Variants in NUP93 observed in about 807,000 individuals in gnomAD.
The protein encoded by NUP93 is nuclear pore complex protein Nup93.
A neutral mutation model predicts 107.8 loss-of-function variants in NUP93; 55 were observed. The ratio of observed to expected loss-of-function variants is 0.51; its 90% CI spans 0.41 to 0.64. NUP93 has a LOEUF of 0.64. Ranked by LOEUF, NUP93 falls within the 30% of genes least tolerant of loss-of-function variation. The pLI is 0.00. For synonymous variants in NUP93, 390 were observed against 397.5 expected (o/e 0.98, Z 0.22); for missense variants, 937 against 1,044.7 (o/e 0.90, Z 1.42).
intron 6 of NUP93, among the ~76,000 whole-genome samples, chr16:56,820,286 C>T (rs532860285): frequency 6.6e-6 from 1 of 152,250 alleles, no homozygotes; most frequent in Non-Finnish European, 1.5e-5. Flanking sequence ...AGTACTACGT[C>T]ATGGTTTAAA....
intron 1 of NUP93, among the ~76,000 whole-genome samples, chr16:56,741,423 T>G (rs1362824624): frequency 2.0e-5 from 3 of 152,240 alleles, no homozygotes; most frequent in Non-Finnish European, 4.4e-5. Flanking sequence ...TGGGGTTTTA[T>G]CTCAGAGGTA....
At chr16:56,781,183 G>A (rs1423530686) in intron 3 of NUP93, among the ~76,000 whole-genome samples, 1 of 152,112 alleles carries the variant, frequency 6.6e-6, no homozygotes. Context: ...AGTGACAGTT[G>A]AGCTGAGCAT....
intron 5 of NUP93, among the ~76,000 whole-genome samples, chr16:56,815,887 CTGCTGCTGCTGG>C (rs1299110006): frequency 1.7e-4 from 24 of 139,512 alleles, no homozygotes; most frequent in Non-Finnish European, 3.0e-4. Flanking sequence ...GCTGCTGCTG[CTGCTGCTGCTGG>C]TGCTGCTGCT....
intron 3 of NUP93, among the ~76,000 whole-genome samples, chr16:56,766,673 T>G (rs1962221501): frequency 6.6e-6 from 1 of 152,236 alleles, no homozygotes; most frequent in Admixed American, 6.5e-5. Flanking sequence ...CTCTTATTTC[T>G]GTTTTTGGAA....
At chr16:56,735,730 A>C (rs1314806784) in intron 1 of NUP93, among the ~76,000 whole-genome samples, 6 of 151,672 alleles carry the variant, frequency 4.0e-5, no homozygotes, top group African/African-American at 1.2e-4. Context: ...CGGGAGGCTG[A>C]GGCAGGAGAA....
chr16:56,837,157 A>C (rs1463513600), intron 17 of NUP93, among the ~76,000 whole-genome samples: 1 of 152,242 alleles, frequency 6.6e-6, no homozygotes, highest in Non-Finnish European at 1.5e-5. Flanking sequence ...ACTAGAATAC[A>C]TGTTTCTACC....
At chr16:56,805,143 G>A (rs558371913) in intron 4 of NUP93, among the ~76,000 whole-genome samples, 19 of 152,016 alleles carry the variant, frequency 1.2e-4, no homozygotes, top group African/African-American at 4.1e-4. Flanking sequence ...CTGCAGCCTC[G>A]ACTTCCTGGG....
rs751738776 is a variant in NUP93, at chr16:56,823,800, G to A, written c.748G>A (p.Val250Met). Residue 250 changes from valine (V) to methionine (M), a missense_variant, in exon 8 of 22, where the codon GTG becomes ATG. Transcript: ENST00000308159. ...DALKNRSSVE[V>M]RMEFVRQALA... ...CCTGAAGAACCGCAGCAGCGTGGAA[G>A]TGCGCATGGAGTTTGTCAGGCAGGC... 11 of 1,614,190 alleles carry A rather than the reference G, an allele frequency of 6.8e-6. No homozygotes were observed. Among genetic ancestry groups the A allele is most frequent in the Non-Finnish European group, 9.3e-6 (11 of 1,180,034 alleles).
chr16:56,804,485 TG>T (rs1169027470), intron 4 of NUP93, among the ~76,000 whole-genome samples: 5 of 152,238 alleles, frequency 3.3e-5, no homozygotes, highest in African/African-American at 1.2e-4. Context: ...ATTCCATTTA[TG>T]TGAGGTACCT....
At chr16:56,781,170 A>G (rs1418284989) in intron 3 of NUP93, among the ~76,000 whole-genome samples, 1 of 152,198 alleles carries the variant, frequency 6.6e-6, no homozygotes, top group Non-Finnish European at 1.5e-5. Context: ...TGTTGTGCAA[A>G]GAAGTGACAG....
intron 3 of NUP93, among the ~76,000 whole-genome samples, chr16:56,772,819 T>C (rs988516788): frequency 2.6e-5 from 4 of 152,252 alleles, no homozygotes; most frequent in Admixed American, 6.5e-5. Context: ...TCTACCTTTG[T>C]TTTTTAGTGT....
At chr16:56,824,028 G>A (rs1248675416) in intron 8 of NUP93, among the ~76,000 whole-genome samples, 182 bp downstream of exon 8, 1 of 152,118 alleles carries the variant, frequency 6.6e-6, no homozygotes, top group African/African-American at 2.4e-5. Flanking sequence ...TTCCCTACCA[G>A]GACTGTTTCT....
chr16:56,798,292 C>T (rs549110046), intron 3 of NUP93, among the ~76,000 whole-genome samples, 184 bp from the exon 4 acceptor site: 5 of 152,202 alleles, frequency 3.3e-5, no homozygotes, highest in Non-Finnish European at 5.9e-5. Flanking sequence ...ATCATGTGCT[C>T]CCAGAATGGA....
At chr16:56,803,937 T>A (rs1963076847) in intron 4 of NUP93, among the ~76,000 whole-genome samples, 1 of 151,950 alleles carries the variant, frequency 6.6e-6, no homozygotes, top group South Asian at 2.1e-4. Flanking sequence ...TTTTTAGTAG[T>A]AATAGGGTTT....
chr16:56,778,503 G>A (rs572707243), intron 3 of NUP93, among the ~76,000 whole-genome samples: 1 of 152,312 alleles, frequency 6.6e-6, no homozygotes, highest in East Asian at 1.9e-4. Flanking sequence ...GACATTCAGA[G>A]GCAATTGTAG....
At chr16:56,774,144 A>G (rs1157499365) in intron 3 of NUP93, among the ~76,000 whole-genome samples, 1 of 152,182 alleles carries the variant, frequency 6.6e-6, no homozygotes, top group Admixed American at 6.5e-5. Context: ...GGGAGGATTA[A>G]TAATCCCATC....
In NUP93 at chr16:56,848,548, TTCCATAATATATTGGTA is replaced by T. The variant is rs1964142103; in HGVS notation, c.*3943_*3959del. On this transcript the variant is annotated 3_prime_UTR_variant, in exon 22 of 22. Coordinates refer to ENST00000308159, the MANE Select transcript of NUP93 (RefSeq NM_014669.5). ...CCCATCTTCCACCATCTTCTGACAG[TTCCATAATATATTGGTA>T]TCCCTCACAGGGCAGGGACAGGAAG... The T allele has an allele frequency of 6.6e-6, 1 of 152,228 alleles. No homozygotes were observed. The highest frequency in any genetic ancestry group is 1.5e-5 in the Non-Finnish European group (1 of 68,046). 9.4% of individuals were successfully genotyped at this position (152,228 alleles called of 1,614,324 possible). A position where few individuals can be genotyped will look rare whatever the true frequency, so the allele number is the denominator to read the frequency against.
chr16:56,837,638 A>C lies in NUP93; in HGVS notation c.1930A>C (p.Lys644Gln), dbSNP rs1238998591. 1.2e-6 allele frequency: 2 copies of C among 1,614,070 alleles called. No homozygotes were observed. Among genetic ancestry groups the C allele is most frequent in the Non-Finnish European group, 1.7e-6 (2 of 1,180,002 alleles). Residue 644 changes from lysine to glutamine, a missense_variant, in exon 18 of 22, where the codon AAA becomes CAA. Lys to Gln is a moderately conservative substitution (Grantham distance 53). Transcript: ENST00000308159. ...TGACAAGGTACTGGAGCTGATGAAC[A>C]AACTGCTGAGCCCTGTCGTCCCCCA... Reference protein sequence around the residue: ...NADKVLELMNKLLSPVVPQIS... With the variant: ...NADKVLELMNQLLSPVVPQIS...
intron 14 of NUP93, 45 bp from the exon 15 acceptor site, chr16:56,834,325 A>T: frequency 6.2e-7 from 1 of 1,613,890 alleles, no homozygotes; most frequent in Non-Finnish European, 8.5e-7. Flanking sequence ...ACTATTAGAG[A>T]CCTCATGTCC....
Sources: gnomAD v4.1 joint callset for allele counts (sites outside exome capture counted in the v4.1 genomes callset) on GRCh38, gnomAD v4.1.1 for gene constraint, MANE v1.5 for transcripts, NCBI Gene and HGNC (gene_info 2026-07-23, HGNC 2026-07-21) for gene names.